The following TINAG variants were observed in gnomAD, a reference collection of about 807,000 sequenced individuals.
TINAG encodes tubulointerstitial nephritis antigen.
Under a neutral mutation model 72.7 loss-of-function variants are expected in TINAG, and 83 were observed. The ratio of observed to expected loss-of-function variants is 1.14; its 90% CI spans 0.96 to 1.37. The LOEUF (loss-of-function observed/expected upper bound fraction) is 1.37. Ranked by LOEUF, TINAG falls within the 40% of genes most tolerant of loss-of-function variation. The probability of loss-of-function intolerance (pLI) is 0.00; values close to 1 mark genes in which losing one functional copy is unlikely to be tolerated. For missense variants in TINAG, 685 were observed against 576.6 expected (o/e 1.19, Z -1.93); for synonymous variants, 234 against 189.9 (o/e 1.23, Z -1.91).
At chr6:54,380,360 CTATA>C (rs1562185846) in intron 9 of TINAG, among the ~76,000 whole-genome samples, 162 bp from the exon 10 acceptor site, 1 of 152,040 alleles carries the variant, frequency 6.6e-6, no homozygotes, top group Non-Finnish European at 1.5e-5. Flanking sequence ...AAGAAGAAAA[CTATA>C]TGAGCACATT....
rs749374647 is a variant in TINAG at position 54,343,287 on chromosome 6, G to A, written c.686G>A (p.Gly229Glu). The change falls in exon 5 of 11, where the codon GGA (glycine) becomes GAA (glutamate). Residue 229 changes from glycine (G) to glutamate (E), a missense_variant. Physicochemically the swap from Gly to Glu is moderately conservative, Grantham distance 98 (BLOSUM62 -2). Coordinates refer to ENST00000259782, the MANE Select transcript of TINAG (RefSeq NM_014464.4). ...TTTGTTGCTTCTTATAAATGGCCTG[G>A]ATGGACTCATGGCCCATTGGATCAA... Reference protein sequence around the residue: ...EFFVASYKWPGWTHGPLDQKN... With the variant: ...EFFVASYKWPEWTHGPLDQKN... 6.3e-7 allele frequency: 1 copy of A among 1,587,622 alleles called. No homozygotes were observed. Among genetic ancestry groups the A allele is most frequent in the South Asian group, 1.2e-5 (1 of 86,316 alleles).
intron 1 of TINAG, among the ~76,000 whole-genome samples, chr6:54,319,283 T>C (rs536236699): frequency 6.6e-6 from 1 of 152,176 alleles, no homozygotes; most frequent in East Asian, 1.9e-4. Context: ...TTCTAGGTAA[T>C]AAAATATTTT....
intron 3 of TINAG, among the ~76,000 whole-genome samples, chr6:54,326,028 G>A (rs1239472351): frequency 2.0e-5 from 3 of 152,014 alleles, no homozygotes; most frequent in South Asian, 4.1e-4. Context: ...ACCTAAAGTG[G>A]TAGATAATTC....
intron 9 of TINAG, among the ~76,000 whole-genome samples, chr6:54,356,110 T>C (rs1332975942): frequency 2.0e-5 from 3 of 151,938 alleles, no homozygotes; most frequent in Non-Finnish European, 4.4e-5. Flanking sequence ...TATGGTAGCT[T>C]CCTATTACCC....
In TINAG at chr6:54,308,815, A is replaced by C; in HGVS notation, c.265A>C (p.Arg89=). The change falls in exon 1 of 11, where the codon AGA becomes CGA. Residue 89 remains arginine, a synonymous_variant. Coordinates refer to ENST00000259782, the MANE Select transcript of TINAG (RefSeq NM_014464.4). ...GTGCTACTGTGATAAATTCTGTGAC[A>C]GAGAAAATTCTGATTGCTGTCCTGA... ...ALCYCDKFCD[R]ENSDCCPDYK... 1 of 1,613,552 alleles carries C rather than the reference A, an allele frequency of 6.2e-7. No individual in the cohort carries two copies. Among genetic ancestry groups the C allele is most frequent in the South Asian group, 1.1e-5 (1 of 90,948 alleles).
In TINAG at chr6:54,308,733, C is replaced by T; in HGVS notation, c.183C>T (p.Gly61=). 6.2e-7 allele frequency: 1 copy of T among 1,613,912 alleles called. No individual in the cohort carries two copies. Among genetic ancestry groups the T allele is most frequent in the Non-Finnish European group, 8.5e-7 (1 of 1,179,886 alleles). The change falls in exon 1 of 11, where the codon GGC becomes GGT. Residue 61 remains glycine, a synonymous_variant. Coordinates refer to ENST00000259782, the MANE Select transcript of TINAG (RefSeq NM_014464.4). ...AAGGGCAATACTGTAGAAATTTTGG[C>T]TGTTGTGAAGACAGAGATGATGGCT... ...IFQGQYCRNF[G]CCEDRDDGCV...
Position 54,354,645 on chromosome 6 carries a change from A to G in TINAG, c.1250+9A>G, listed in dbSNP as rs1161800676. ...GCAGTCAAACTCACTGGGTAAGGCA[A>G]TTAAACAAAATTCATTTAATTCTTT... On this transcript the variant is annotated intron_variant, in intron 9 of 10. Transcript: ENST00000259782. The G allele has an allele frequency of 1.9e-6, 3 of 1,600,438 alleles. No homozygotes were observed. Among genetic ancestry groups the G allele is most frequent in the East Asian group, 4.5e-5 (2 of 44,244 alleles).
chr6:54,365,844 C>A (rs1763393778), intron 9 of TINAG, among the ~76,000 whole-genome samples: 1 of 151,606 alleles, frequency 6.6e-6, no homozygotes, highest in East Asian at 2.0e-4. Context: ...AGAGTCTTCA[C>A]TGAGAAATTT....
chr6:54,373,086 T>C (rs1170313819), intron 9 of TINAG, among the ~76,000 whole-genome samples: 1 of 152,178 alleles, frequency 6.6e-6, no homozygotes, highest in African/African-American at 2.4e-5. Context: ...CCCATCAATG[T>C]AACAATTGTG....
chr6:54,379,419 G>C (rs894645348), intron 9 of TINAG, among the ~76,000 whole-genome samples: 2 of 152,140 alleles, frequency 1.3e-5, no homozygotes, highest in African/African-American at 4.8e-5. Context: ...TGTACGTTTA[G>C]GTTTTTTATG....
intron 9 of TINAG, among the ~76,000 whole-genome samples, chr6:54,373,606 T>C (rs763071875): frequency 5.9e-5 from 9 of 152,130 alleles, no homozygotes; most frequent in Non-Finnish European, 1.2e-4. Context: ...TAGAGTCTGA[T>C]TGGTTTTGTG....
rs766194489 is a variant in TINAG, at chr6:54,351,389, C to T, written c.1118C>T (p.Pro373Leu). 2 of 1,610,046 alleles carry T rather than the reference C, an allele frequency of 1.2e-6. No individual in the cohort carries two copies. The highest frequency in any genetic ancestry group is 1.3e-5 in the African/African-American group (1 of 74,788). ...ATGAAAGAAATCATGCAAAATGGACCAGTTCAAGGTAAGCTTGAATGAAAT... is the reference window on the plus strand; with the variant it reads ...ATGAAAGAAATCATGCAAAATGGACTAGTTCAAGGTAAGCTTGAATGAAAT... Reference protein sequence around the residue: ...EIMKEIMQNGPVQAIMQVRED... With the variant: ...EIMKEIMQNGLVQAIMQVRED... Residue 373 changes from proline to leucine, a missense_variant, in exon 8 of 11, where the codon CCA becomes CTA. Pro to Leu is a moderately conservative substitution (Grantham distance 98). Coordinates refer to ENST00000259782, the MANE Select transcript of TINAG (RefSeq NM_014464.4).
chr6:54,377,967 AT>A (rs897198304), intron 9 of TINAG, among the ~76,000 whole-genome samples: 54 of 149,376 alleles, frequency 3.6e-4, no homozygotes, highest in Non-Finnish European at 4.5e-4. Flanking sequence ...CCGCAGATCT[AT>A]TTTTTTTTTA....
chr6:54,381,094 G>A (rs7767253), intron 10 of TINAG, among the ~76,000 whole-genome samples: 4 of 147,190 alleles, frequency 2.7e-5, no homozygotes, highest in South Asian at 2.1e-4. Context: ...GGATATAACC[G>A]ATAGGATATA....
intron 5 of TINAG, among the ~76,000 whole-genome samples, chr6:54,343,552 G>A (rs1163152255): frequency 2.7e-5 from 4 of 150,024 alleles, no homozygotes; most frequent in African/African-American, 7.3e-5. Flanking sequence ...TTTTATTTTA[G>A]GGTGAAATTT....
chr6:54,389,671 G>A, intron 10 of TINAG, 120 bp from the exon 11 acceptor site: 1 of 1,240,994 alleles, frequency 8.1e-7, no homozygotes. Flanking sequence ...GTAAGTTCTT[G>A]ATAATTATAG....
chr6:54,353,200 A>C (rs1194934991), intron 8 of TINAG, among the ~76,000 whole-genome samples: 1 of 151,850 alleles, frequency 6.6e-6, no homozygotes, highest in Non-Finnish European at 1.5e-5. Flanking sequence ...AGTGTTTTTC[A>C]GGAATAATGA....
intron 1 of TINAG, among the ~76,000 whole-genome samples, chr6:54,314,337 C>A (rs1415852455): frequency 6.6e-6 from 1 of 151,992 alleles, no homozygotes; most frequent in Non-Finnish European, 1.5e-5. Flanking sequence ...CTTCATGATC[C>A]AAAAGTGATA....
intron 5 of TINAG, among the ~76,000 whole-genome samples, chr6:54,346,156 A>C (rs1484230303): frequency 3.3e-5 from 5 of 152,002 alleles, no homozygotes; most frequent in Non-Finnish European, 4.4e-5. Context: ...ACATTAGTTT[A>C]TTTTGGTACA....
Sources: allele counts gnomAD v4.1 joint callset (sites outside exome capture counted in the v4.1 genomes callset), GRCh38; gene constraint gnomAD v4.1.1; transcripts MANE v1.5; gene names NCBI Gene and HGNC (gene_info 2026-07-23, HGNC 2026-07-21).